Variants in LAMC2 observed in about 807,000 individuals in gnomAD.
The protein encoded by LAMC2 is laminin subunit gamma-2.
LAMC2 carries 97 observed loss-of-function variants against 140.2 expected under a neutral mutation model. That is an observed-to-expected ratio of 0.69 (90% CI 0.59 to 0.82). The LOEUF (loss-of-function observed/expected upper bound fraction) is 0.82. Among genes scored for constraint, LAMC2 ranks in the 40% least tolerant of loss-of-function variants. The pLI, the probability that LAMC2 is intolerant of heterozygous loss-of-function variation, is 0.00. For missense variants in LAMC2, 1,402 were observed against 1,476.1 expected, an observed-to-expected ratio of 0.95 and a Z score of 0.82; for synonymous variants, 513 against 540.2, an observed-to-expected ratio of 0.95 and a Z score of 0.70.
chr1:183,229,230 G>A (rs10797862), intron 11 of LAMC2, among the ~76,000 whole-genome samples: 24,325 of 152,048 alleles, frequency 0.16, 2,107 homozygotes, highest in African/African-American at 0.23. Context: ...TTATATTTTA[G>A]AGGCAAGTTC....
At position 183,204,432 on chromosome 1, in the gene LAMC2, C is replaced by T. The variant is rs543517366; in HGVS notation, c.80-3449C>T. Among the ~76,000 whole-genome samples, 30 of 141,336 alleles carry T rather than the reference C, an allele frequency of 2.1e-4. No homozygotes were observed. In the South Asian group the frequency reaches 7.3e-3, roughly 34 times the overall value. The allele number at this position is 141,336 out of a possible 152,430, so 92.7% of individuals were successfully genotyped here. On this transcript the variant is annotated intron_variant, in intron 1 of 22. Coordinates refer to ENST00000264144, the MANE Select transcript of LAMC2 (RefSeq NM_005562.3). ...GCAACATGGTGAAACCCCGTCTCTA[C>T]AAAAACAAAAAACAAACAAACAGAA...
At chr1:183,252,596 G>T in the LAMC2 span, 1 of 1,310,392 alleles carries the variant, frequency 7.6e-7, no homozygotes, top group South Asian at 1.2e-5. Context: ...ACAGGGGGCT[G>T]ACAAAGATGG....
intron 22 of LAMC2, among the ~76,000 whole-genome samples, chr1:183,242,819 C>T (rs1379931703): frequency 6.6e-6 from 1 of 150,862 alleles, no homozygotes; most frequent in Non-Finnish European, 1.5e-5. Context: ...AGTGCTCAGT[C>T]CCCTATGACC....
the LAMC2 span, chr1:183,251,914 GGTGCACACGCATGTGTGCGTGT>G: frequency 6.3e-6 from 1 of 157,526 alleles, no homozygotes; most frequent in Non-Finnish European, 1.4e-5. Flanking sequence ...TGCGTGCGCG[GGTGCACACGCATGTGTGCGTGT>G]GTGTGTGTGT....
intron 22 of LAMC2, chr1:183,240,619 G>T (rs1040827722): frequency 4.6e-5 from 65 of 1,420,242 alleles, no homozygotes; most frequent in Admixed American, 1.7e-4. Context: ...TGCACTTGGG[G>T]GTAAAGGTCT....
At position 183,206,609 on chromosome 1, in the gene LAMC2, C is replaced by T. The variant is rs534762666; in HGVS notation, c.80-1272C>T. Among the ~76,000 whole-genome samples the T allele has an allele frequency of 2.9e-3, 439 of 150,364 alleles. 2 individuals are homozygous for T. Among genetic ancestry groups the T allele is most frequent in the African/African-American group, 0.01 (421 of 40,822 alleles). ...TCAGTGAGCTGAGATCATGCCACTG[C>T]ACTCCACACTCCAGCCTGGGCGACA... is the stretch of plus-strand genomic sequence containing the variant. On this transcript the variant is annotated intron_variant, in intron 1 of 22. Coordinates refer to ENST00000264144, the MANE Select transcript of LAMC2 (RefSeq NM_005562.3).
intron 1 of LAMC2, among the ~76,000 whole-genome samples, chr1:183,207,210 C>G (rs1658912637): frequency 6.6e-6 from 1 of 152,066 alleles, no homozygotes; most frequent in Non-Finnish European, 1.5e-5. Flanking sequence ...GGGTACTATG[C>G]TGGGTGTTTC....
intron 2 of LAMC2, among the ~76,000 whole-genome samples, chr1:183,212,089 G>A (rs757717926): frequency 6.6e-6 from 1 of 152,040 alleles, no homozygotes; most frequent in Non-Finnish European, 1.5e-5. Context: ...TTCAGAGTTA[G>A]AGCCTGAATT....
intron 22 of LAMC2, chr1:183,241,066 G>A: frequency 6.5e-6 from 1 of 154,992 alleles, no homozygotes; most frequent in East Asian, 1.9e-4. Flanking sequence ...TGGCCAACAT[G>A]GTGAAACCCT....
intron 12 of LAMC2, among the ~76,000 whole-genome samples, chr1:183,231,918 G>A (rs1571534241): frequency 6.6e-6 from 1 of 152,154 alleles, no homozygotes; most frequent in Non-Finnish European, 1.5e-5. Context: ...GGTAGTCCAA[G>A]TAATAACTTT....
chr1:183,247,097 G>A (rs546221681), downstream of LAMC2, among the ~76,000 whole-genome samples: 1 of 152,260 alleles, frequency 6.6e-6, no homozygotes, highest in Admixed American at 6.5e-5. Flanking sequence ...GATCACCTGA[G>A]GTCTGGAGTT....
rs762190171 is a variant in LAMC2, at chr1:183,226,895, G to C, written c.1264G>C (p.Gly422Arg). The C allele has an allele frequency of 5.6e-6, 9 of 1,614,054 alleles. No homozygotes were observed. The highest frequency in any genetic ancestry group is 5.9e-6 in the Non-Finnish European group (7 of 1,179,958). Reference protein sequence around the residue: ...TCIPCNCQGGGACDPDTGDCY... With the variant: ...TCIPCNCQGGRACDPDTGDCY... ...TATTCCTTGTAACTGTCAAGGGGGA[G>C]GGGCCTGTGATCCAGACACAGGTGA... The change falls in exon 9 of 23, where the codon GGG (glycine) becomes CGG (arginine). Residue 422 changes from glycine (G) to arginine (R), a missense_variant. By Grantham distance (125) the Gly-to-Arg change is moderately radical. Around this residue, in one of 3 missense-constraint regions of LAMC2, gnomAD observed 723 missense variants for 783.3 expected, o/e 0.92. Coordinates refer to ENST00000264144, the MANE Select transcript of LAMC2 (RefSeq NM_005562.3).
chr1:183,193,122 A>G (rs773548268), intron 1 of LAMC2, among the ~76,000 whole-genome samples: 6 of 152,226 alleles, frequency 3.9e-5, no homozygotes, highest in Non-Finnish European at 8.8e-5. Context: ...CCATTTGTGT[A>G]TATGATTCAA....
rs1659640010 is a variant in LAMC2, at chr1:183,226,809, G to T, written c.1178G>T (p.Cys393Phe). 6.2e-7 allele frequency: 1 copy of T among 1,614,194 alleles called. No individual in the cohort carries two copies. The highest frequency in any genetic ancestry group is 1.1e-5 in the South Asian group (1 of 91,076). ...CCTGTTGGGTACAAGGGGCAATTCT[G>T]CCAGGATTGTGCTTCTGGCTACAAG... is the stretch of plus-strand genomic sequence containing the variant. ...ICPVGYKGQFCQDCASGYKRD... is the reference protein window; with the variant it reads ...ICPVGYKGQFFQDCASGYKRD... Residue 393 changes from cysteine to phenylalanine, a missense_variant, in exon 9 of 23, where the codon TGC (cysteine) becomes TTC (phenylalanine). Around this residue, in one of 3 missense-constraint regions of LAMC2, gnomAD observed 723 missense variants for 783.3 expected, o/e 0.92. Transcript: ENST00000264144.
chr1:183,205,442 T>G (rs1016378671), intron 1 of LAMC2, among the ~76,000 whole-genome samples: 1 of 152,248 alleles, frequency 6.6e-6, no homozygotes, highest in Non-Finnish European at 1.5e-5. Flanking sequence ...AAATGTAATA[T>G]GCTGTAAGTT....
intron 1 of LAMC2, among the ~76,000 whole-genome samples, chr1:183,194,704 C>T (rs1223927325): frequency 2.0e-5 from 3 of 152,124 alleles, no homozygotes; most frequent in African/African-American, 4.8e-5. Context: ...CTCTGGCATC[C>T]CTGGAATCTC....
At chr1:183,249,633 C>G (rs1257104708), downstream of LAMC2, 1 of 150,456 alleles carries the variant, frequency 6.6e-6, no homozygotes, top group Non-Finnish European at 1.5e-5. Flanking sequence ...AATGTCCTGT[C>G]CTGGATTTAG....
At chr1:183,238,272 C>T (rs1660026566) in intron 18 of LAMC2, 35 bp from the exon 19 acceptor site, 1 of 1,487,770 alleles carries the variant, frequency 6.7e-7, no homozygotes, top group Admixed American at 1.7e-5. Flanking sequence ...CAGGAATGTA[C>T]TTCCTCTAAT....
At chr1:183,231,205 A>C (rs1659791498) in intron 12 of LAMC2, 102 bp downstream of exon 12, 1 of 1,336,256 alleles carries the variant, frequency 7.5e-7, no homozygotes, top group Non-Finnish European at 1.1e-6. Flanking sequence ...TAGTCTCCTG[A>C]GGATGGGAGT....
Sources: allele counts gnomAD v4.1 joint callset (sites outside exome capture counted in the v4.1 genomes callset), GRCh38; gene constraint gnomAD v4.1.1; regional missense constraint gnomAD v4.1.1; transcripts MANE v1.5; gene names NCBI Gene and HGNC (gene_info 2026-07-23, HGNC 2026-07-21).